Variants in CD22 observed in about 807,000 individuals in gnomAD.
CD22 encodes B-cell receptor CD22.
Under a neutral mutation model 94.7 loss-of-function variants are expected in CD22, and 51 were observed. That is an observed-to-expected ratio of 0.54 (90% confidence interval 0.43 to 0.68). The LOEUF (loss-of-function observed/expected upper bound fraction) is 0.68. Ranked by LOEUF, CD22 falls within the 30% of genes least tolerant of loss-of-function variation. CD22 has a pLI of 0.00. For missense variants in CD22, 931 were observed against 1,060.4 expected, an observed-to-expected ratio of 0.88 and a Z score of 1.69; for synonymous variants, 424 against 422.5, an observed-to-expected ratio of 1.00 and a Z score of -0.04.
At chr19:35,344,980 C>T in intron 10 of CD22, 55 bp downstream of exon 10, 1 of 1,595,400 alleles carries the variant, frequency 6.3e-7, no homozygotes, top group South Asian at 1.1e-5. Context: ...AGGCCCGTGT[C>T]CAGTTGCTCC....
intron 3 of CD22, among the ~76,000 whole-genome samples, chr19:35,334,534 G>A (rs553752495): frequency 1.3e-5 from 2 of 152,310 alleles, no homozygotes; most frequent in Admixed American, 6.5e-5. Context: ...TGGTCACTCC[G>A]TTCCACACCG....
chr19:35,334,257 A>G (rs1317332549), intron 3 of CD22, among the ~76,000 whole-genome samples: 1 of 152,204 alleles, frequency 6.6e-6, no homozygotes, highest in East Asian at 1.9e-4. Flanking sequence ...TCTTTGAAAG[A>G]GAGACAAGTT....
intron 3 of CD22, among the ~76,000 whole-genome samples, chr19:35,335,503 G>A (rs2066708731): frequency 6.6e-6 from 1 of 152,174 alleles, no homozygotes; most frequent in African/African-American, 2.4e-5. Flanking sequence ...GCTACAGTGA[G>A]CTAGGATTGC....
At chr19:35,335,510 T>A (rs1260163020) in intron 3 of CD22, among the ~76,000 whole-genome samples, 1 of 152,028 alleles carries the variant, frequency 6.6e-6, no homozygotes, top group East Asian at 1.9e-4. Flanking sequence ...TGAGCTAGGA[T>A]TGCGCCACTG....
At chr19:35,339,398 C>CA (rs983547108) in intron 6 of CD22, among the ~76,000 whole-genome samples, 83 of 150,290 alleles carry the variant, frequency 5.5e-4, no homozygotes, top group South Asian at 2.9e-3. Flanking sequence ...CCCATCTCTA[C>CA]AAAAAAAAAT....
Position 35,336,355 on chromosome 19 carries a change from G to A in CD22, c.718+14G>A, listed in dbSNP as rs922328513. ...TGAACGTGAAGCGTGAGTCTCCCCG[G>A]CATGCCTGTGGGAAGGGCAAGGTCT... On this transcript the variant is annotated intron_variant, in intron 4 of 13. Coordinates refer to ENST00000085219, the MANE Select transcript of CD22 (RefSeq NM_001771.4). 3.7e-6 allele frequency: 6 copies of A among 1,610,806 alleles called. No homozygotes were observed. The highest frequency in any genetic ancestry group is 5.1e-6 in the Non-Finnish European group (6 of 1,177,860).
Position 35,336,241 on chromosome 19 carries a change from C to G in CD22, c.618C>G (p.Phe206Leu). ...TCTTCACCCGGAGCGAGCTCAAGTT[C>G]TCCCCACAGTGGAGTCACCATGGGA... is the stretch of plus-strand genomic sequence containing the variant. ...KSVFTRSELK[F>L]SPQWSHHGKI... The change falls in exon 4 of 14, where the codon TTC (phenylalanine) becomes TTG (leucine). Residue 206 changes from phenylalanine to leucine, a missense_variant. Physicochemically the swap from Phe to Leu is conservative, Grantham distance 22. Transcript: ENST00000085219. 1 of 1,614,220 alleles carries G rather than the reference C, an allele frequency of 6.2e-7. No homozygotes were observed. The highest frequency in any genetic ancestry group is 1.1e-5 in the South Asian group (1 of 91,084).
intron 3 of CD22, 33 bp downstream of exon 3, chr19:35,332,957 G>T: frequency 6.3e-7 from 1 of 1,593,372 alleles, no homozygotes; most frequent in Non-Finnish European, 8.6e-7. Flanking sequence ...CCTCTGCTCT[G>T]GGCAGGGGTG....
At chr19:35,340,855 TACTC>T (rs745593302) in intron 6 of CD22, 22 bp from the exon 7 acceptor site, 1 of 1,613,640 alleles carries the variant, frequency 6.2e-7, no homozygotes, top group Non-Finnish European at 8.5e-7. Context: ...GGCTTTTCTT[TACTC>T]ACCTCTCTGG....
rs2066906972 is a variant in CD22, at chr19:35,346,319, G to A, written c.2412+84G>A. ...TGGCCTCAGTGGTGGGTCCCACATA[G>A]GAAGGAGTTGGGTAGGCATCCGTGG... On this transcript the variant is annotated intron_variant, in intron 13 of 13. Coordinates refer to ENST00000085219, the MANE Select transcript of CD22 (RefSeq NM_001771.4). The A allele has an allele frequency of 1.5e-5, 19 of 1,268,866 alleles. No individual in the cohort carries two copies. The South Asian group carries it at 2.1e-4, about 14-fold the overall frequency. 78.6% of individuals were successfully genotyped at this position (1,268,866 alleles called of 1,614,324 possible).
intron 3 of CD22, among the ~76,000 whole-genome samples, chr19:35,333,465 C>T (rs911531587): frequency 1.3e-5 from 2 of 152,200 alleles, no homozygotes; most frequent in Non-Finnish European, 2.9e-5. Flanking sequence ...GTCAAATCCA[C>T]CCCTACATGT....
chr19:35,333,332 G>A (rs1367961731), intron 3 of CD22, among the ~76,000 whole-genome samples: 1 of 151,940 alleles, frequency 6.6e-6, no homozygotes, highest in Non-Finnish European at 1.5e-5. Context: ...CAGACATTGG[G>A]GTCTGAAGCT....
chr19:35,342,819 AT>A (rs58000696), intron 9 of CD22, among the ~76,000 whole-genome samples: 2,875 of 149,296 alleles, frequency 0.019, 90 homozygotes, highest in African/African-American at 0.065. Flanking sequence ...AACGTAAATG[AT>A]TTTTTTTTTA....
At chr19:35,332,400 T>A in intron 2 of CD22, 147 bp from the exon 3 acceptor site, 1 of 847,538 alleles carries the variant, frequency 1.2e-6, no homozygotes, top group Non-Finnish European at 1.7e-6. Context: ...TCACTTGAGG[T>A]CAGGAGTTCA....
Position 35,332,094 on chromosome 19 carries a change from C to T in CD22, c.34+20C>T. 1 of 1,613,848 alleles carries T rather than the reference C, an allele frequency of 6.2e-7. No homozygotes were observed. Among genetic ancestry groups the T allele is most frequent in the South Asian group, 1.1e-5 (1 of 91,064 alleles). ...TCCTGGGTAAGGACTGTGGCCTGGGCTAGTACTGGGGTTCTGGGATGTCAG... is the reference window on the plus strand; with the variant it reads ...TCCTGGGTAAGGACTGTGGCCTGGGTTAGTACTGGGGTTCTGGGATGTCAG... On this transcript the variant is annotated intron_variant, in intron 2 of 13. Coordinates refer to ENST00000085219, the MANE Select transcript of CD22 (RefSeq NM_001771.4).
At position 35,341,844 on chromosome 19, in the gene CD22, C is replaced by T. The variant is rs1261436645; in HGVS notation, c.1914C>T (p.Pro638=). 6.2e-6 allele frequency: 10 copies of T among 1,614,140 alleles called. No individual in the cohort carries two copies. The highest frequency in any genetic ancestry group is 8.5e-6 in the Non-Finnish European group (10 of 1,180,032). Residue 638 remains proline (P), a synonymous_variant, in exon 9 of 14, where the codon CCC becomes CCT. Transcript: ENST00000085219. This position sits in a 1 kb window ranked among gnomAD's most constrained non-coding sequence, Gnocchi z 4.0. ...TWFDWNNQSL[P]YHSQKLRLEP... ...TTGACTGGAATAACCAAAGCCTCCC[C>T]TACCACAGCCAGAAGCTGAGATTGG...
chr19:35,332,939 G>C lies in CD22; in HGVS notation c.412+15G>C, dbSNP rs770355855. On this transcript the variant is annotated intron_variant, in intron 3 of 13. Coordinates refer to ENST00000085219, the MANE Select transcript of CD22 (RefSeq NM_001771.4). The stretch of plus-strand genomic sequence containing the variant: ...CAATGTCTCTGGTAAGGCCTTCGGG[G>C]AGCGGGTCCTCTGCTCTGGGCAGGG... 28 of 1,609,272 alleles carry C rather than the reference G, an allele frequency of 1.7e-5. 2 individuals carry two copies. Among genetic ancestry groups the C allele is most frequent in the Middle Eastern group, 3.3e-4 (2 of 6,018 alleles).
In CD22 at chr19:35,334,190, G is replaced by A. The variant is rs146705411; in HGVS notation, c.412+1266G>A. Among the ~76,000 whole-genome samples the A allele has an allele frequency of 2.6e-3, 403 of 152,220 alleles. 2 individuals are homozygous for A. Among genetic ancestry groups the A allele is most frequent in the Non-Finnish European group, 4.7e-3 (317 of 68,006 alleles). On this transcript the variant is annotated intron_variant, in intron 3 of 13. Transcript: ENST00000085219. Reference sequence around the variant, plus strand: ...GATCGTCAAAGCTGTTGTGCCCCTCGGCTCATCAAATTTCTGGATGTCATC... The same window carrying A: ...GATCGTCAAAGCTGTTGTGCCCCTCAGCTCATCAAATTTCTGGATGTCATC...
chr19:35,338,061 T>C, intron 5 of CD22, 40 bp downstream of exon 5: 1 of 1,582,210 alleles, frequency 6.3e-7, no homozygotes, highest in Non-Finnish European at 8.6e-7. Context: ...GGCAGGGAGG[T>C]AGCAGGGGTG....
Sources: allele counts gnomAD v4.1 joint callset (sites outside exome capture counted in the v4.1 genomes callset), GRCh38; gene constraint gnomAD v4.1.1; non-coding constraint Gnocchi (gnomAD v3.1); transcripts MANE v1.5; gene names NCBI Gene and HGNC (gene_info 2026-07-23, HGNC 2026-07-21).